The following GORASP2 variants were observed in gnomAD, a reference collection of about 807,000 sequenced individuals.
GORASP2 encodes golgi reassembly stacking protein 2.
A neutral mutation model predicts 45.7 loss-of-function variants in GORASP2; 22 were observed. The ratio of observed to expected loss-of-function variants is 0.48; its 90% CI spans 0.34 to 0.69. GORASP2 has a LOEUF of 0.69. Among genes scored for constraint, GORASP2 ranks in the 30% least tolerant of loss-of-function variants. The pLI is 0.01. For synonymous variants in GORASP2, 221 were observed against 215.6 expected, an observed-to-expected ratio of 1.02 and a Z score of -0.22; for missense variants, 491 against 562.7, an observed-to-expected ratio of 0.87 and a Z score of 1.29.
chr2:170,965,742 T>A, intron 9 of GORASP2, 48 bp from the exon 10 acceptor site: 1 of 1,285,340 alleles, frequency 7.8e-7, no homozygotes, highest in Non-Finnish European at 1.1e-6. Context: ...ATGCCTGCTG[T>A]CCTTTCAGTG....
chr2:170,954,650 C>T lies in GORASP2; in HGVS notation c.567C>T (p.Ser189=). 1 of 1,609,938 alleles carries T rather than the reference C, an allele frequency of 6.2e-7. No individual in the cohort carries two copies. The highest frequency in any genetic ancestry group is 8.5e-7 in the Non-Finnish European group (1 of 1,177,770). Residue 189 remains serine (S), a splice_region_variant and synonymous_variant, in exon 6 of 10, where the codon AGC becomes AGT. Transcript: ENST00000234160. ...TPNSAWGGEG[S]LGCGIGYGYL... ...CGTTAAGAAAAAAATGTTTTTATAG[C>T]CTAGGATGTGGCATTGGATATGGTT...
chr2:170,962,886 C>T lies in GORASP2; in HGVS notation c.958C>T (p.Leu320Phe), dbSNP rs1187364668. 2 of 1,613,940 alleles carry T rather than the reference C, an allele frequency of 1.2e-6. No homozygotes were observed. Among genetic ancestry groups the T allele is most frequent in the Non-Finnish European group, 1.7e-6 (2 of 1,179,980 alleles). The change falls in exon 9 of 10, where the codon CTC (leucine) becomes TTC (phenylalanine). Residue 320 changes from leucine (L) to phenylalanine (F), a missense_variant. By Grantham distance (22) the Leu-to-Phe change is conservative. Coordinates refer to ENST00000234160, the MANE Select transcript of GORASP2 (RefSeq NM_015530.5). ...ACTGCCCAACCTCCCCAACCTCAAC[C>T]TCAACCTCCCAGCACCACACATCAT... is the stretch of plus-strand genomic sequence containing the variant. Reference protein sequence around the residue: ...AGLPNLPNLNLNLPAPHIMPG... With the variant: ...AGLPNLPNLNFNLPAPHIMPG...
At chr2:170,962,552 C>T (rs900482840) in intron 8 of GORASP2, among the ~76,000 whole-genome samples, 29 of 152,200 alleles carry the variant, frequency 1.9e-4, no homozygotes, top group African/African-American at 5.5e-4. Context: ...TTCTCCAAGG[C>T]GCTCGGGCCA....
chr2:170,959,442 A>C (rs1408046470), intron 7 of GORASP2, among the ~76,000 whole-genome samples: 2 of 152,268 alleles, frequency 1.3e-5, no homozygotes, highest in Non-Finnish European at 2.9e-5. Context: ...TGTTAAAGAC[A>C]AATGTAAATA....
At chr2:170,936,620 T>C in intron 1 of GORASP2, 1 of 1,297,260 alleles carries the variant, frequency 7.7e-7, no homozygotes, top group Non-Finnish European at 1.0e-6. Flanking sequence ...TTCTCTCTTT[T>C]AAGCATCAAT....
chr2:170,964,289 G>T (rs1013155827), intron 9 of GORASP2, among the ~76,000 whole-genome samples: 4 of 152,156 alleles, frequency 2.6e-5, no homozygotes, highest in East Asian at 1.9e-4. Flanking sequence ...GATGATAATT[G>T]TCCCTCTTGT....
intron 3 of GORASP2, 24 bp from the exon 4 acceptor site, chr2:170,950,180 G>A (rs748132346): frequency 1.8e-6 from 2 of 1,141,122 alleles, no homozygotes; most frequent in Non-Finnish European, 2.6e-6. Flanking sequence ...ATTAATTTTA[G>A]GGTGTGTGTT....
Position 170,966,517 on chromosome 2 carries a change from A to G in GORASP2, c.*387A>G. On this transcript the variant is annotated 3_prime_UTR_variant, in exon 10 of 10. Transcript: ENST00000234160. ...TCTATGCCTAATACTCACACGCAACATTTCTTGTACTTTGTAAGTCGTTTG... is the reference window on the plus strand; with the variant it reads ...TCTATGCCTAATACTCACACGCAACGTTTCTTGTACTTTGTAAGTCGTTTG... 4.1e-6 allele frequency: 1 copy of G among 245,848 alleles called. No individual in the cohort carries two copies. Among genetic ancestry groups the G allele is most frequent in the South Asian group, 5.3e-5 (1 of 18,990 alleles). The allele number at this position is 245,848 out of a possible 1,614,324, so 15.2% of individuals were successfully genotyped here.
chr2:170,949,496 A>G (rs748087398), intron 2 of GORASP2, 43 bp from the exon 3 acceptor site: 2 of 1,461,476 alleles, frequency 1.4e-6, no homozygotes, highest in South Asian at 2.3e-5. Context: ...AGCTAACATT[A>G]AATTTTTATT....
intron 9 of GORASP2, among the ~76,000 whole-genome samples, chr2:170,965,321 G>T (rs994089058): frequency 6.6e-6 from 1 of 152,196 alleles, no homozygotes; most frequent in African/African-American, 2.4e-5. Flanking sequence ...CAGTGGAAAG[G>T]GCGAGAATCC....
In GORASP2 at chr2:170,940,751, T is replaced by C. The variant is rs202076439; in HGVS notation, c.64-7599T>C. ...TGTAGCTCAAGCCAAAAAATGTATT[T>C]TCCATTGCAACCAGTACATACTACA... On this transcript the variant is annotated intron_variant, in intron 1 of 9. Coordinates refer to ENST00000234160, the MANE Select transcript of GORASP2 (RefSeq NM_015530.5). Among the ~76,000 whole-genome samples the C allele has an allele frequency of 3.3e-5, 5 of 152,260 alleles. No homozygotes were observed. The East Asian group carries it at 9.6e-4, about 29-fold the overall frequency.
At chr2:170,936,189 G>C (rs1452631028) in intron 1 of GORASP2, among the ~76,000 whole-genome samples, 1 of 148,456 alleles carries the variant, frequency 6.7e-6, no homozygotes, top group Non-Finnish European at 1.5e-5. Flanking sequence ...TGTAAACTAG[G>C]AAATAGAAAG....
chr2:170,939,026 T>C (rs966815647), intron 1 of GORASP2, among the ~76,000 whole-genome samples: 2 of 152,152 alleles, frequency 1.3e-5, no homozygotes, highest in Admixed American at 6.5e-5. Context: ...GAAGTTAATC[T>C]GATTTGCCCA....
At chr2:170,962,696 G>A (rs1356898429) in intron 8 of GORASP2, 143 bp from the exon 9 acceptor site, 10 of 617,738 alleles carry the variant, frequency 1.6e-5, no homozygotes, top group African/African-American at 3.7e-5. Flanking sequence ...TATTTATATT[G>A]TTATGATACA....
intron 7 of GORASP2, among the ~76,000 whole-genome samples, chr2:170,961,442 C>A (rs1021132816): frequency 1.3e-5 from 2 of 152,160 alleles, no homozygotes; most frequent in Non-Finnish European, 2.9e-5. Flanking sequence ...GGCCTCTTGC[C>A]CTCTTGTCAC....
chr2:170,930,284 C>G (rs1703787582), intron 1 of GORASP2, among the ~76,000 whole-genome samples: 1 of 152,194 alleles, frequency 6.6e-6, no homozygotes, highest in African/African-American at 2.4e-5. Context: ...CCTCATGGAA[C>G]CGGGCGACTT....
At chr2:170,956,969 C>T (rs1163461039) in intron 7 of GORASP2, among the ~76,000 whole-genome samples, 1 of 152,054 alleles carries the variant, frequency 6.6e-6, no homozygotes, top group South Asian at 2.1e-4. Flanking sequence ...AAAATTAATG[C>T]CAGTGTACCT....
At chr2:170,948,325 A>C (rs1301140185) in intron 1 of GORASP2, 25 bp from the exon 2 acceptor site, 9 of 1,390,722 alleles carry the variant, frequency 6.5e-6, no homozygotes, top group Non-Finnish European at 9.1e-6. Context: ...TACATTTTTT[A>C]TTTTTGTCGT....
At chr2:170,932,566 G>A (rs766790406) in intron 1 of GORASP2, among the ~76,000 whole-genome samples, 4 of 152,152 alleles carry the variant, frequency 2.6e-5, no homozygotes, top group Non-Finnish European at 2.9e-5. Flanking sequence ...AATGGTAGCT[G>A]TCTGTAGAAA....
Sources: allele counts gnomAD v4.1 joint callset (sites outside exome capture counted in the v4.1 genomes callset), GRCh38; gene constraint gnomAD v4.1.1; transcripts MANE v1.5; gene names NCBI Gene and HGNC (gene_info 2026-07-23, HGNC 2026-07-21).